Variants in TASP1 observed in about 807,000 individuals in gnomAD.
TASP1 encodes the protein taspase 1, also known as threonine aspartase 1.
A neutral mutation model predicts 56.6 loss-of-function variants in TASP1; 16 were observed. The ratio of observed to expected loss-of-function variants is 0.28; its 90% CI spans 0.19 to 0.43. The LOEUF (loss-of-function observed/expected upper bound fraction) is 0.43. Ranked by LOEUF, TASP1 falls within the 20% of genes least tolerant of loss-of-function variation. The pLI, the probability that TASP1 is intolerant of heterozygous loss-of-function variation, is 1.00. For synonymous variants in TASP1, 179 were observed against 184.2 expected (o/e 0.97, Z 0.23); for missense variants, 393 against 511.6 (o/e 0.77, Z 2.24).
chr20:13,449,574 A>G (rs2043539986), intron 11 of TASP1, among the ~76,000 whole-genome samples: 1 of 152,110 alleles, frequency 6.6e-6, no homozygotes, highest in African/African-American at 2.4e-5. Flanking sequence ...TTATTGTGAC[A>G]ACAATGGCTT....
the TASP1 span, among the ~76,000 whole-genome samples, chr20:13,173,708 C>T: frequency 6.6e-6 from 1 of 152,152 alleles, no homozygotes; most frequent in Non-Finnish European, 1.5e-5. Flanking sequence ...CTGCCTCTCA[C>T]ATTGTCACAC....
the TASP1 span, among the ~76,000 whole-genome samples, chr20:13,373,664 C>A: frequency 2.0e-5 from 3 of 151,998 alleles, no homozygotes; most frequent in Admixed American, 6.5e-5. Flanking sequence ...TTTTCTCTTG[C>A]TGCTTTCAAA....
the TASP1 span, among the ~76,000 whole-genome samples, chr20:13,230,992 A>G: frequency 1.3e-5 from 2 of 152,110 alleles, no homozygotes; most frequent in Admixed American, 1.3e-4. Flanking sequence ...CCCTGACTTG[A>G]TAATGTACCC....
chr20:13,526,003 A>G (rs1455736619), intron 10 of TASP1, among the ~76,000 whole-genome samples: 1 of 152,218 alleles, frequency 6.6e-6, no homozygotes, highest in Non-Finnish European at 1.5e-5. Flanking sequence ...AGGATAGGCA[A>G]AAGAGGAAAT....
chr20:13,496,527 T>C (rs2043737319), intron 10 of TASP1, among the ~76,000 whole-genome samples: 1 of 150,372 alleles, frequency 6.7e-6, no homozygotes, highest in Admixed American at 6.6e-5. Flanking sequence ...GAGAAATGGC[T>C]GGTTCTGGGT....
Position 13,594,718 on chromosome 20 carries a change from G to A in TASP1, c.283-7348C>T, listed in dbSNP as rs1017792135. 3.3e-5 allele frequency among the ~76,000 whole-genome samples: 5 copies of A among 152,106 alleles called. No homozygotes were observed. The East Asian group carries it at 9.6e-4, about 29-fold the overall frequency. ...ACAAACAAAGCCTTCAAGAAATATG[G>A]GACTATGTGAAAAGACCAAATCTAC... On this transcript the variant is annotated intron_variant, in intron 4 of 13. Transcript: ENST00000337743.
chr20:13,299,083 G>T, the TASP1 span: 2 of 1,613,604 alleles, frequency 1.2e-6, no homozygotes, highest in African/African-American at 1.3e-5. The surrounding 1 kb of genome is among the most constrained non-coding windows in gnomAD (Gnocchi z 5.8). Context: ...ATCTTCGACC[G>T]CATCAAGCGC....
At chr20:13,296,031 C>T in the TASP1 span, among the ~76,000 whole-genome samples, 1 of 152,306 alleles carries the variant, frequency 6.6e-6, no homozygotes, top group East Asian at 1.9e-4. Context: ...AATGACCTTG[C>T]ATTTTTGGAC....
intron 11 of TASP1, among the ~76,000 whole-genome samples, chr20:13,441,863 G>C (rs952740943): frequency 2.0e-5 from 3 of 152,140 alleles, no homozygotes; most frequent in Non-Finnish European, 2.9e-5. Context: ...GAAGGGACAT[G>C]AGAGGCATGG....
At chr20:13,164,703 A>C in the TASP1 span, 8 of 1,407,298 alleles carry the variant, frequency 5.7e-6, no homozygotes, top group Non-Finnish European at 8.0e-6. Flanking sequence ...TCTGCAAAGC[A>C]GGGCTACTTA....
chr20:13,453,119 T>C (rs750333373), intron 11 of TASP1, among the ~76,000 whole-genome samples: 11 of 151,866 alleles, frequency 7.2e-5, no homozygotes, highest in Non-Finnish European at 1.5e-4. Context: ...GGGACAATAA[T>C]GTAGAGACCA....
chr20:13,395,467 C>T (rs1479476079), intron 13 of TASP1, among the ~76,000 whole-genome samples: 2 of 152,152 alleles, frequency 1.3e-5, no homozygotes. Flanking sequence ...ATTTTTCATG[C>T]ACTAACAATG....
At chr20:13,446,696 A>C (rs1273028550) in intron 11 of TASP1, among the ~76,000 whole-genome samples, 2 of 152,162 alleles carry the variant, frequency 1.3e-5, no homozygotes, top group African/African-American at 2.4e-5. Flanking sequence ...AGTTTTTATC[A>C]GAAAAAACGG....
At chr20:13,282,436 GCCT>G in the TASP1 span, among the ~76,000 whole-genome samples, 1 of 152,170 alleles carries the variant, frequency 6.6e-6, no homozygotes, top group Non-Finnish European at 1.5e-5. Context: ...TTCATCTAAA[GCCT>G]TTACAGAGTA....
the TASP1 span, among the ~76,000 whole-genome samples, chr20:13,230,062 A>C: frequency 6.6e-6 from 1 of 152,148 alleles, no homozygotes; most frequent in Non-Finnish European, 1.5e-5. Context: ...ATTCACTTCT[A>C]CTCATAGTTT....
At chr20:13,589,378 T>C (rs903557219) in intron 4 of TASP1, among the ~76,000 whole-genome samples, 1 of 152,064 alleles carries the variant, frequency 6.6e-6, no homozygotes, top group Non-Finnish European at 1.5e-5. Flanking sequence ...GTCTTTTCAA[T>C]AAATGGTACT....
At chr20:13,472,167 A>G (rs116677617) in intron 11 of TASP1, among the ~76,000 whole-genome samples, 2,634 of 150,938 alleles carry the variant, frequency 0.017, 194 homozygotes, top group African/African-American at 0.059. Flanking sequence ...CAGGGGACTC[A>G]GAAATAACAC....
chr20:13,231,059 G>A, the TASP1 span, among the ~76,000 whole-genome samples: 1 of 151,988 alleles, frequency 6.6e-6, no homozygotes, highest in Non-Finnish European at 1.5e-5. Flanking sequence ...AGATTTCTGG[G>A]GTCATCTCTC....
At chr20:13,339,783 G>C in the TASP1 span, among the ~76,000 whole-genome samples, 1 of 151,924 alleles carries the variant, frequency 6.6e-6, no homozygotes, top group Admixed American at 6.6e-5. Context: ...TAGATGATGA[G>C]AGGAGGGACA....
Sources: gnomAD v4.1 joint callset for allele counts (sites outside exome capture counted in the v4.1 genomes callset) on GRCh38, gnomAD v4.1.1 for gene constraint, Gnocchi (gnomAD v3.1) non-coding constraint, MANE v1.5 for transcripts, NCBI Gene and HGNC (gene_info 2026-07-23, HGNC 2026-07-21) for gene names.